Variants in NELL2 observed in about 807,000 individuals in gnomAD.
The protein encoded by NELL2 is neural EGFL like 2.
In NELL2, 41 loss-of-function variants were observed where a neutral mutation model predicts 109.6. The ratio of observed to expected loss-of-function variants is 0.37; its 90% CI spans 0.29 to 0.49. NELL2 has a LOEUF of 0.49. Ranked by LOEUF, NELL2 falls within the 20% of genes least tolerant of loss-of-function variation. The pLI, the probability that NELL2 is intolerant of heterozygous loss-of-function variation, is 0.98. For synonymous variants in NELL2, 355 were observed against 344.7 expected (o/e 1.03, Z -0.33); for missense variants, 900 against 1,008.3 (o/e 0.89, Z 1.45).
chr12:44,557,790 A>T lies in NELL2; in HGVS notation c.1664-25069T>A, dbSNP rs147049373. 2.0e-5 allele frequency among the ~76,000 whole-genome samples: 3 copies of T among 152,316 alleles called. No individual in the cohort carries two copies. In the East Asian group the frequency reaches 5.8e-4, roughly 29 times the overall value. On this transcript the variant is annotated intron_variant, in intron 15 of 19. Transcript: ENST00000429094. ...AATAAATGAGAGGATGGAATTGTAA[A>T]GGGGAGTATTCACGAGAGAAAACAA...
intron 13 of NELL2, among the ~76,000 whole-genome samples, chr12:44,630,376 A>G (rs1337570144): frequency 6.6e-6 from 1 of 152,242 alleles, no homozygotes; most frequent in Non-Finnish European, 1.5e-5. Context: ...AGGAACTAGA[A>G]TTCAAATAGA....
chr12:44,662,017 G>A (rs150724448), intron 13 of NELL2, among the ~76,000 whole-genome samples: 1 of 152,058 alleles, frequency 6.6e-6, no homozygotes, highest in Non-Finnish European at 1.5e-5. Context: ...ACGAAACGAT[G>A]TAAAGAGAGA....
At chr12:44,619,467 A>T (rs1453283175) in intron 13 of NELL2, among the ~76,000 whole-genome samples, 1 of 152,128 alleles carries the variant, frequency 6.6e-6, no homozygotes, top group Non-Finnish European at 1.5e-5. Flanking sequence ...TCCTTGACAA[A>T]ATGGGCTTCT....
At chr12:44,906,743 G>A (rs951651169) in intron 1 of NELL2, among the ~76,000 whole-genome samples, 10 of 152,040 alleles carry the variant, frequency 6.6e-5, no homozygotes, top group African/African-American at 2.2e-4. Context: ...AGGTAAGTCC[G>A]GGACATATTA....
chr12:44,546,819 T>C (rs774953405), intron 15 of NELL2, among the ~76,000 whole-genome samples: 6 of 152,334 alleles, frequency 3.9e-5, no homozygotes, highest in Admixed American at 3.9e-4. Flanking sequence ...AGACTCAGCT[T>C]AATTGTGTAC....
At chr12:44,859,981 A>G (rs936816318) in intron 2 of NELL2, among the ~76,000 whole-genome samples, 7 of 152,194 alleles carry the variant, frequency 4.6e-5, no homozygotes, top group African/African-American at 1.7e-4. Flanking sequence ...TGTCCCTTCT[A>G]TCTTCAAAAT....
intron 3 of NELL2, among the ~76,000 whole-genome samples, chr12:44,807,286 A>T (rs553171209): frequency 7.9e-5 from 12 of 151,378 alleles, no homozygotes; most frequent in African/African-American, 2.7e-4. Flanking sequence ...TGTCTAAAAC[A>T]TTATATTTAA....
At chr12:44,737,235 T>C (rs1444254182) in intron 9 of NELL2, among the ~76,000 whole-genome samples, 1 of 152,036 alleles carries the variant, frequency 6.6e-6, no homozygotes, top group Non-Finnish European at 1.5e-5. Flanking sequence ...AAGTCCCTCA[T>C]GTCTAGCTGC....
chr12:44,683,474 G>C (rs953847378), intron 12 of NELL2, among the ~76,000 whole-genome samples: 13 of 151,998 alleles, frequency 8.6e-5, no homozygotes, highest in Non-Finnish European at 1.3e-4. Context: ...GGAGTGGTGA[G>C]AGAGGGCATC....
chr12:44,583,495 C>T (rs1193972460), intron 15 of NELL2, among the ~76,000 whole-genome samples: 7 of 152,140 alleles, frequency 4.6e-5, no homozygotes, highest in Non-Finnish European at 7.4e-5. Context: ...GCACATCTTA[C>T]ACACTGATAA....
chr12:44,816,965 AGT>A (rs1179647374), intron 2 of NELL2, among the ~76,000 whole-genome samples: 1 of 152,266 alleles, frequency 6.6e-6, no homozygotes, highest in East Asian at 1.9e-4. Flanking sequence ...TCCTATTCAC[AGT>A]GTACGCAAAG....
At chr12:44,876,902 AG>A, upstream of NELL2, 2 of 1,264,536 alleles carry the variant, frequency 1.6e-6, no homozygotes, top group Non-Finnish European at 2.0e-6. Context: ...CCTGGTGGAG[AG>A]GTTCCCTGCC....
chr12:44,665,413 G>T, intron 13 of NELL2, 71 bp downstream of exon 13: 1 of 1,358,248 alleles, frequency 7.4e-7, no homozygotes, highest in Non-Finnish European at 1.0e-6. Context: ...AAAAAAATGA[G>T]AGTCAAAGAA....
At chr12:44,566,695 A>G (rs1256022824) in intron 15 of NELL2, among the ~76,000 whole-genome samples, 1 of 152,240 alleles carries the variant, frequency 6.6e-6, no homozygotes, top group African/African-American at 2.4e-5. Context: ...ACTGTGGTCT[A>G]AGACAAATTT....
intron 15 of NELL2, among the ~76,000 whole-genome samples, chr12:44,582,657 T>G (rs1477852976): frequency 6.6e-6 from 1 of 151,668 alleles, no homozygotes; most frequent in African/African-American, 2.4e-5. Context: ...GAGGATAAGG[T>G]CAAGGTTATG....
chr12:44,695,136 AAAG>A (rs1015176339), intron 12 of NELL2, among the ~76,000 whole-genome samples: 5 of 149,270 alleles, frequency 3.3e-5, no homozygotes, highest in Non-Finnish European at 6.0e-5. Context: ...GGAAGGAAGA[AAAG>A]AAGGAAGGAA....
chr12:44,860,522 C>A (rs868232405), intron 2 of NELL2, among the ~76,000 whole-genome samples: 6 of 152,174 alleles, frequency 3.9e-5, no homozygotes, highest in Admixed American at 1.3e-4. Flanking sequence ...TGTTTTCTTG[C>A]TTTTTACAGC....
At chr12:44,562,102 T>A (rs554674102) in intron 15 of NELL2, among the ~76,000 whole-genome samples, 1 of 152,358 alleles carries the variant, frequency 6.6e-6, no homozygotes, top group South Asian at 2.1e-4. Context: ...CTGGGAAAAC[T>A]GGCTAGCCAT....
Position 44,847,260 on chromosome 12 carries a change from C to G in NELL2, c.184+27965G>C, listed in dbSNP as rs1944399088. 3.3e-5 allele frequency among the ~76,000 whole-genome samples: 5 copies of G among 152,172 alleles called. No individual in the cohort carries two copies. The South Asian group carries it at 1.0e-3, about 32-fold the overall frequency. ...AAAGTAGAATATTTGAACCCTCATT[C>G]TCGTGAAGTAAGGGTATTAGATTAT... On this transcript the variant is annotated intron_variant, in intron 2 of 19. Transcript: ENST00000429094.
Sources: allele counts gnomAD v4.1 joint callset (sites outside exome capture counted in the v4.1 genomes callset), GRCh38; gene constraint gnomAD v4.1.1; transcripts MANE v1.5; gene names NCBI Gene and HGNC (gene_info 2026-07-23, HGNC 2026-07-21).